CNNM2: variants seen among roughly 807,000 people sequenced by gnomAD.
The protein encoded by CNNM2 is cyclin and CBS domain divalent metal cation transport mediator 2.
In CNNM2, 12 loss-of-function variants were observed where a neutral mutation model predicts 66.9. The ratio of observed to expected loss-of-function variants is 0.18; its 90% CI spans 0.11 to 0.29. The LOEUF (loss-of-function observed/expected upper bound fraction) is 0.29, where lower values mean the gene tolerates loss of function less well. Among genes scored for constraint, CNNM2 ranks in the 10% least tolerant of loss-of-function variants. CNNM2 has a pLI of 1.00. For missense variants in CNNM2, 705 were observed against 1,167.7 expected, an observed-to-expected ratio of 0.60 and a Z score of 5.77; for synonymous variants, 557 against 501.8, an observed-to-expected ratio of 1.11 and a Z score of -1.47.
chr10:102,961,125 G>A (rs2063372860), intron 1 of CNNM2, among the ~76,000 whole-genome samples: 1 of 151,984 alleles, frequency 6.6e-6, no homozygotes, highest in Admixed American at 6.6e-5. Context: ...TGATCCAGCC[G>A]CCTCAGCCTC....
intron 1 of CNNM2, among the ~76,000 whole-genome samples, chr10:102,960,057 A>C (rs1381420396): frequency 6.6e-6 from 1 of 151,606 alleles, no homozygotes; most frequent in African/African-American, 2.4e-5. Context: ...GTCTCAAAAA[A>C]ATAAAAAATA....
chr10:103,076,237 G>A lies in CNNM2; in HGVS notation c.2385G>A (p.Ser795=), dbSNP rs370749106. 44 of 1,569,914 alleles carry A rather than the reference G, an allele frequency of 2.8e-5. No individual in the cohort carries two copies. Among genetic ancestry groups the A allele is most frequent in the African/African-American group, 1.1e-4 (8 of 73,806 alleles). ...SLLQVYIPDY[S]VRALSDLQFV... The stretch of plus-strand genomic sequence containing the variant: ...TCCAAGTCTACATCCCCGATTACTC[G>A]GTGCGAGCCCTTTCGGATCTGCAGT... Residue 795 remains serine (S), a synonymous_variant, in exon 7 of 8, where the codon TCG becomes TCA. Transcript: ENST00000369878.
chr10:102,945,846 A>T (rs1846599857), intron 1 of CNNM2, among the ~76,000 whole-genome samples: 1 of 151,746 alleles, frequency 6.6e-6, no homozygotes, highest in Non-Finnish European at 1.5e-5. Flanking sequence ...TTCTCGCAGG[A>T]TGATGAGCTC....
rs1336232355 is a variant in CNNM2 at position 102,918,436 on chromosome 10, G to C, written c.-45G>C. Reference sequence around the variant, plus strand: ...CCCAGGGGCCGGTACCTGCGCTCGCGCCGCCGGGTTGAAAGGATGAAGCCG... The same window carrying C: ...CCCAGGGGCCGGTACCTGCGCTCGCCCCGCCGGGTTGAAAGGATGAAGCCG... On this transcript the variant is annotated 5_prime_UTR_variant, in exon 1 of 8. Transcript: ENST00000369878. This position sits in a 1 kb window ranked among gnomAD's most constrained non-coding sequence, Gnocchi z 4.1. 1 of 1,576,248 alleles carries C rather than the reference G, an allele frequency of 6.3e-7. No individual in the cohort carries two copies. Among genetic ancestry groups the C allele is most frequent in the Admixed American group, 1.8e-5 (1 of 54,650 alleles).
intron 1 of CNNM2, among the ~76,000 whole-genome samples, chr10:102,954,543 G>A (rs992646050): frequency 1.2e-4 from 18 of 152,076 alleles, no homozygotes; most frequent in African/African-American, 4.3e-4. Context: ...CTTCAGAAGC[G>A]TTTGTTGAGC....
chr10:102,936,008 GT>G (rs980640187), intron 1 of CNNM2, among the ~76,000 whole-genome samples: 12 of 145,532 alleles, frequency 8.2e-5, no homozygotes, highest in Admixed American at 1.4e-4. Flanking sequence ...TGTTTTTTTG[GT>G]TTTTTTTTTG....
chr10:102,944,774 ATAT>A (rs1369487874), intron 1 of CNNM2, among the ~76,000 whole-genome samples: 3 of 152,122 alleles, frequency 2.0e-5, no homozygotes, highest in Non-Finnish European at 4.4e-5. Context: ...CAGTACAAAC[ATAT>A]TATCTAATAT....
intron 1 of CNNM2, among the ~76,000 whole-genome samples, chr10:103,016,033 C>T (rs1179845649): frequency 1.3e-5 from 2 of 152,090 alleles, no homozygotes; most frequent in South Asian, 2.1e-4. Context: ...TGAATCTTAA[C>T]TGAATTGTCA....
Position 102,973,171 on chromosome 10 carries a change from A to T in CNNM2, c.1621+53070A>T, listed in dbSNP as rs186997238. 7.7e-4 allele frequency among the ~76,000 whole-genome samples: 116 copies of T among 151,056 alleles called. No individual in the cohort carries two copies. The East Asian group carries it at 0.021, about 27-fold the overall frequency. On this transcript the variant is annotated intron_variant, in intron 1 of 7. Transcript: ENST00000369878. ...TTCCATACTGGCCTTCATGTTCCTGAGTGGTCTCTTCTCTTCTAGTGTTTC... is the reference window on the plus strand; with the variant it reads ...TTCCATACTGGCCTTCATGTTCCTGTGTGGTCTCTTCTCTTCTAGTGTTTC...
At chr10:102,951,953 G>A (rs1479944803) in intron 1 of CNNM2, among the ~76,000 whole-genome samples, 12 of 151,972 alleles carry the variant, frequency 7.9e-5, no homozygotes, top group African/African-American at 1.2e-4. Context: ...ACAGGCATGC[G>A]CCACCACACC....
chr10:103,000,041 G>C (rs1166978035), intron 1 of CNNM2, among the ~76,000 whole-genome samples: 3 of 152,062 alleles, frequency 2.0e-5, no homozygotes, highest in African/African-American at 7.2e-5. Flanking sequence ...TTCCAGACCA[G>C]CCTGGCCAAT....
At chr10:103,043,107 G>A (rs938991393) in intron 1 of CNNM2, among the ~76,000 whole-genome samples, 1 of 152,140 alleles carries the variant, frequency 6.6e-6, no homozygotes, top group Non-Finnish European at 1.5e-5. Context: ...CTGTGCTAAC[G>A]GTGCCCCCTG....
chr10:103,009,593 A>G, intron 1 of CNNM2, among the ~76,000 whole-genome samples: 1 of 144,154 alleles, frequency 6.9e-6, no homozygotes, highest in African/African-American at 2.6e-5. Flanking sequence ...TGGAAGGCTG[A>G]GGCAGGAGGA....
At chr10:102,989,289 A>G (rs1205592360) in intron 1 of CNNM2, among the ~76,000 whole-genome samples, 1 of 152,178 alleles carries the variant, frequency 6.6e-6, no homozygotes, top group Non-Finnish European at 1.5e-5. Flanking sequence ...TTTGAGACTT[A>G]ACTAGTCAAG....
At chr10:102,927,380 TGAAAA>T in intron 1 of CNNM2, 2 of 1,613,890 alleles carry the variant, frequency 1.2e-6, no homozygotes, top group South Asian at 1.1e-5. Context: ...ATACCAACAC[TGAAAA>T]GAAGAGACAA....
At chr10:103,013,857 T>G (rs1263071190) in intron 1 of CNNM2, among the ~76,000 whole-genome samples, 1 of 152,200 alleles carries the variant, frequency 6.6e-6, no homozygotes, top group Non-Finnish European at 1.5e-5. Flanking sequence ...CTGTGTTAGA[T>G]TAAATTTATT....
intron 4 of CNNM2, among the ~76,000 whole-genome samples, chr10:103,062,882 T>C (rs1401029833): frequency 1.3e-5 from 2 of 152,256 alleles, no homozygotes; most frequent in Non-Finnish European, 2.9e-5. Flanking sequence ...CAGAATTTAA[T>C]GTGCAGAGGA....
chr10:102,937,851 T>G (rs1055793344), intron 1 of CNNM2, among the ~76,000 whole-genome samples: 1 of 151,436 alleles, frequency 6.6e-6, no homozygotes, highest in East Asian at 2.0e-4. Flanking sequence ...TCTCAAACTA[T>G]TGGGCTCAAA....
Position 102,919,094 on chromosome 10 carries a change from C to A in CNNM2, c.614C>A (p.Ser205Ter). 6.2e-7 allele frequency: 1 copy of A among 1,611,310 alleles called. No homozygotes were observed. Among genetic ancestry groups the A allele is most frequent in the Non-Finnish European group, 8.5e-7 (1 of 1,179,086 alleles). Residue 205 changes from serine (S) to a stop codon, truncating the protein, a stop_gained, in exon 1 of 8, where the codon TCG (serine) becomes TAG (stop). Transcript: ENST00000369878. LOFTEE classifies it high-confidence loss of function. The part of the protein sequence containing the change: ...LSTPALGAGG[S>*]GSTGGAVGGK... ...ACGCCCGCCCTGGGCGCCGGCGGCT[C>A]GGGGTCCACGGGTGGCGCCGTCGGG...
Sources: gnomAD v4.1 joint callset for allele counts (sites outside exome capture counted in the v4.1 genomes callset) on GRCh38, gnomAD v4.1.1 for gene constraint, Gnocchi (gnomAD v3.1) non-coding constraint, MANE v1.5 for transcripts, NCBI Gene and HGNC (gene_info 2026-07-23, HGNC 2026-07-21) for gene names.